Variants in GLIS3 observed in about 807,000 individuals in gnomAD.
GLIS3 encodes GLIS family zinc finger 3.
GLIS3 carries 53 observed loss-of-function variants against 78.6 expected under a neutral mutation model. The observed-to-expected ratio is 0.67, with a 90% confidence interval of 0.54 to 0.85. GLIS3 has a LOEUF of 0.85. GLIS3 is among the 40% of genes least tolerant of loss of function. The probability of loss-of-function intolerance (pLI) is 0.00; values close to 1 mark genes in which losing one functional copy is unlikely to be tolerated. For missense variants in GLIS3, 1,703 were observed against 1,231.1 expected (o/e 1.38, Z -5.74); for synonymous variants, 684 against 509.9 (o/e 1.34, Z -4.60).
chr9:4,132,056 A>AC (rs1833018266), intron 2 of GLIS3, among the ~76,000 whole-genome samples: 1 of 151,812 alleles, frequency 6.6e-6, no homozygotes, highest in Admixed American at 6.6e-5. Flanking sequence ...TTTTTAAAAA[A>AC]AAAAAAAAAC....
At chr9:4,453,215 G>A in the GLIS3 span, among the ~76,000 whole-genome samples, 2 of 151,888 alleles carry the variant, frequency 1.3e-5, no homozygotes, top group African/African-American at 4.8e-5. Context: ...AACTCTAGAA[G>A]AAAACCTAGG....
At chr9:4,393,061 A>G in the GLIS3 span, among the ~76,000 whole-genome samples, 1 of 152,168 alleles carries the variant, frequency 6.6e-6, no homozygotes, top group Non-Finnish European at 1.5e-5. Flanking sequence ...ATGGTGTGTA[A>G]AAAATGTTTA....
intron 2 of GLIS3, among the ~76,000 whole-genome samples, chr9:4,242,353 G>A (rs1823398078): frequency 5.3e-5 from 8 of 152,122 alleles, no homozygotes; most frequent in Admixed American, 4.6e-4. Context: ...CTATTACCCA[G>A]GAAATCCTAT....
At chr9:4,196,571 C>T (rs773525333) in intron 2 of GLIS3, among the ~76,000 whole-genome samples, 2 of 152,164 alleles carry the variant, frequency 1.3e-5, no homozygotes, top group African/African-American at 4.8e-5. Context: ...ATGAACAACT[C>T]CAGACGCGCT....
chr9:4,045,181 T>C (rs1290929268), intron 4 of GLIS3, among the ~76,000 whole-genome samples: 1 of 152,184 alleles, frequency 6.6e-6, no homozygotes, highest in Non-Finnish European at 1.5e-5. Context: ...GTTGCCATTT[T>C]GGCCATATTG....
intron 2 of GLIS3, among the ~76,000 whole-genome samples, chr9:4,244,662 C>G (rs1269272461): frequency 2.6e-5 from 4 of 152,078 alleles, no homozygotes; most frequent in African/African-American, 9.7e-5. Context: ...GCAACCTCTA[C>G]CTCCTGGGTT....
the GLIS3 span, among the ~76,000 whole-genome samples, chr9:4,435,835 G>A: frequency 6.6e-6 from 1 of 152,208 alleles, no homozygotes; most frequent in Non-Finnish European, 1.5e-5. Context: ...TGTAGTCCCA[G>A]CTACTTGGGA....
At chr9:3,987,761 C>CAAAAAAAAAAAA (rs60986898) in intron 4 of GLIS3, among the ~76,000 whole-genome samples, 5 of 10,462 alleles carry the variant, frequency 4.8e-4, no homozygotes, top group African/African-American at 1.0e-3. Context: ...CTGGATTTGG[C>CAAAAAAAAAAAA]AAAAAAAAAA....
At chr9:4,317,774 G>C (rs1039948936) in intron 2 of GLIS3, among the ~76,000 whole-genome samples, 3 of 152,128 alleles carry the variant, frequency 2.0e-5, no homozygotes, top group African/African-American at 7.2e-5. Flanking sequence ...TTTATTTACT[G>C]TTCATTTTGT....
At chr9:4,024,079 G>A (rs1823107944) in intron 4 of GLIS3, among the ~76,000 whole-genome samples, 1 of 151,902 alleles carries the variant, frequency 6.6e-6, no homozygotes, top group African/African-American at 2.4e-5. Flanking sequence ...TGGTTTGAGA[G>A]GCAGAGTTGT....
At chr9:4,115,897 C>A (rs1242870672) in intron 4 of GLIS3, among the ~76,000 whole-genome samples, 3 of 152,078 alleles carry the variant, frequency 2.0e-5, no homozygotes. Flanking sequence ...GGGGAGTGGG[C>A]AGATCAGAGG....
intron 4 of GLIS3, among the ~76,000 whole-genome samples, chr9:4,070,078 A>C (rs1454881524): frequency 6.6e-6 from 1 of 152,130 alleles, no homozygotes; most frequent in East Asian, 1.9e-4. Context: ...CAAAATACTC[A>C]AGTGATTCTG....
At chr9:4,052,563 T>G (rs570964010) in intron 4 of GLIS3, among the ~76,000 whole-genome samples, 1 of 152,334 alleles carries the variant, frequency 6.6e-6, no homozygotes, top group South Asian at 2.1e-4. Context: ...CTTCTGGACA[T>G]GTCGTAGAAA....
chr9:4,282,801 T>A (rs916820743), intron 2 of GLIS3, among the ~76,000 whole-genome samples: 2 of 152,154 alleles, frequency 1.3e-5, no homozygotes, highest in Non-Finnish European at 2.9e-5. Context: ...TGTCTATTTC[T>A]CTGGAAAACC....
chr9:3,958,361 T>C (rs1302174475), intron 4 of GLIS3, among the ~76,000 whole-genome samples: 1 of 152,106 alleles, frequency 6.6e-6, no homozygotes, highest in East Asian at 1.9e-4. Flanking sequence ...CATCGATTCT[T>C]TTTTCAAAAA....
At chr9:4,405,372 A>G in the GLIS3 span, among the ~76,000 whole-genome samples, 1 of 151,502 alleles carries the variant, frequency 6.6e-6, no homozygotes, top group East Asian at 1.9e-4. Flanking sequence ...AAAGAAAAAG[A>G]AAAAGAAAAA....
chr9:3,873,623 A>C (rs1821107051), intron 8 of GLIS3, among the ~76,000 whole-genome samples: 1 of 152,182 alleles, frequency 6.6e-6, no homozygotes, highest in Admixed American at 6.5e-5. Context: ...ACAAAATTTC[A>C]CATCATATGC....
intron 2 of GLIS3, among the ~76,000 whole-genome samples, chr9:4,236,388 T>A (rs190708066): frequency 6.6e-6 from 1 of 152,172 alleles, no homozygotes; most frequent in African/African-American, 2.4e-5. Flanking sequence ...AACAAACAGA[T>A]TGCAATACTT....
chr9:3,906,380 T>C (rs773940138), intron 6 of GLIS3, among the ~76,000 whole-genome samples: 3 of 152,164 alleles, frequency 2.0e-5, no homozygotes, highest in African/African-American at 4.8e-5. Flanking sequence ...TCCAGCTGAA[T>C]TGCTCGACCT....
Sources: gnomAD v4.1 joint callset for allele counts (sites outside exome capture counted in the v4.1 genomes callset) on GRCh38, gnomAD v4.1.1 for gene constraint, MANE v1.5 for transcripts, NCBI Gene and HGNC (gene_info 2026-07-23, HGNC 2026-07-21) for gene names.